MINAR1: variants seen among roughly 807,000 people sequenced by gnomAD.
The protein encoded by MINAR1 is major intrinsically disordered Notch2-binding receptor 1.
A neutral mutation model predicts 65.1 loss-of-function variants in MINAR1; 40 were observed. The ratio of observed to expected loss-of-function variants is 0.61; its 90% confidence interval spans 0.48 to 0.80. The LOEUF (loss-of-function observed/expected upper bound fraction) is 0.80. Ranked by LOEUF, MINAR1 falls within the 30% of genes least tolerant of loss-of-function variation. MINAR1 has a pLI of 0.00. For synonymous variants in MINAR1, 482 were observed against 449.1 expected (o/e 1.07, Z -0.93); for missense variants, 1,128 against 1,148.0 (o/e 0.98, Z 0.25).
chr15:79,466,541 T>A lies in MINAR1; in HGVS notation c.2554-1646T>A, dbSNP rs543017104. Among the ~76,000 whole-genome samples, 76 of 152,230 alleles carry A rather than the reference T, an allele frequency of 5.0e-4. No individual in the cohort carries two copies. The South Asian group carries it at 0.015, about 30-fold the overall frequency. The stretch of plus-strand genomic sequence containing the variant: ...TATTCTTTTGATTTTTTTTCAACCA[T>A]TTAAAAATGGAAAAAAATCACTAAA... On this transcript the variant is annotated intron_variant, in intron 3 of 3. Transcript: ENST00000305428.
intron 3 of MINAR1, among the ~76,000 whole-genome samples, chr15:79,467,554 C>T (rs546878588): frequency 2.6e-5 from 4 of 152,216 alleles, no homozygotes; most frequent in East Asian, 3.9e-4. Flanking sequence ...GAAGCTGCAC[C>T]GAGTCTGAAA....
intron 1 of MINAR1, among the ~76,000 whole-genome samples, chr15:79,435,897 A>G (rs1452797922): frequency 1.3e-5 from 2 of 152,234 alleles, no homozygotes; most frequent in African/African-American, 2.4e-5. Flanking sequence ...GTTCTTAAAG[A>G]TTCTGGCTGT....
At position 79,456,234 on chromosome 15, in the gene MINAR1, C is replaced by T. The variant is rs141098308; in HGVS notation, c.87C>T (p.Asp29=). The T allele has an allele frequency of 1.2e-6, 2 of 1,614,138 alleles. No homozygotes were observed. The highest frequency in any genetic ancestry group is 1.7e-5 in the Admixed American group (1 of 60,018). ...AGCAAAATACCGTTTCTTATCAGGA[C>T]CTGTGCAAATCTCTCTGTGCCCGGT... ...DSKQNTVSYQ[D]LCKSLCARFD... Residue 29 remains aspartate, a synonymous_variant, in exon 2 of 4, where the codon GAC becomes GAT. Transcript: ENST00000305428.
intron 1 of MINAR1, among the ~76,000 whole-genome samples, chr15:79,437,683 C>T (rs58896878): frequency 2.8e-5 from 1 of 36,300 alleles, no homozygotes; most frequent in Non-Finnish European, 5.0e-5. Context: ...GTGTGGGTGG[C>T]GTGGGTAGTG....
chr15:79,466,145 C>T (rs537861780), intron 3 of MINAR1, among the ~76,000 whole-genome samples: 4 of 152,204 alleles, frequency 2.6e-5, no homozygotes, highest in Admixed American at 2.6e-4. Flanking sequence ...TTTTGGGTGC[C>T]CTGAGTGTCC....
chr15:79,451,216 C>A (rs886457419), intron 1 of MINAR1, among the ~76,000 whole-genome samples: 1 of 152,174 alleles, frequency 6.6e-6, no homozygotes. Flanking sequence ...AAGACCTGGA[C>A]CCCTCCTAGG....
At chr15:79,463,598 T>G in intron 3 of MINAR1, 1 of 622,704 alleles carries the variant, frequency 1.6e-6, no homozygotes, top group Non-Finnish European at 3.0e-6. Flanking sequence ...ACAATGCATT[T>G]ACGACTCTGT....
intron 1 of MINAR1, among the ~76,000 whole-genome samples, chr15:79,435,498 T>G (rs993746142): frequency 2.6e-5 from 4 of 152,160 alleles, no homozygotes; most frequent in Admixed American, 2.6e-4. Flanking sequence ...TTATAAATAG[T>G]CATGTACCTG....
In MINAR1 at chr15:79,444,297, T is replaced by A. The variant is rs1446759966; in HGVS notation, c.-51+11757T>A. On this transcript the variant is annotated intron_variant, in intron 1 of 3. Coordinates refer to ENST00000305428, the MANE Select transcript of MINAR1 (RefSeq NM_015206.3). ...AGTTCTCCATAAATGTTACCTATGT[T>A]AATGTTGTTCCATTATTTATTCATG... Among the ~76,000 whole-genome samples the A allele has an allele frequency of 2.0e-5, 3 of 152,218 alleles. No individual in the cohort carries two copies. The East Asian group carries it at 5.8e-4, about 29-fold the overall frequency.
intron 1 of MINAR1, among the ~76,000 whole-genome samples, chr15:79,434,406 T>C (rs1894537462): frequency 6.6e-6 from 1 of 152,246 alleles, no homozygotes; most frequent in African/African-American, 2.4e-5. Flanking sequence ...GGTTGAAATA[T>C]CTCTCCTGCC....
In MINAR1 at chr15:79,456,552, GC is replaced by G; in HGVS notation, c.409del (p.Leu137Ter). The part of the protein sequence containing the change: ...TEICNAAECE[P>X]LNCELSERSF... ...AGATCTGCAATGCAGCTGAGTGTGA[GC>G]CCCTGAACTGTGAGCTGAGTGAGAG... is the stretch of plus-strand genomic sequence containing the variant. On this transcript the variant is annotated frameshift_variant, in exon 2 of 4. Transcript: ENST00000305428. LOFTEE classifies it high-confidence loss of function. 6.2e-7 allele frequency: 1 copy of G among 1,614,090 alleles called. No homozygotes were observed. The highest frequency in any genetic ancestry group is 8.5e-7 in the Non-Finnish European group (1 of 1,180,026).
intron 1 of MINAR1, among the ~76,000 whole-genome samples, chr15:79,441,284 C>G (rs973925093): frequency 5.3e-5 from 8 of 151,954 alleles, no homozygotes; most frequent in African/African-American, 1.9e-4. Context: ...TTAATATATA[C>G]AAAGAGTGAG....
chr15:79,415,100 A>T, the MINAR1 span: 11 of 152,270 alleles, frequency 7.2e-5, no homozygotes, highest in Admixed American at 5.2e-4. Flanking sequence ...TGGGAAACCC[A>T]GTGAGGTGTC....
the MINAR1 span, chr15:79,423,755 A>C: frequency 6.6e-6 from 1 of 152,342 alleles, no homozygotes; most frequent in Non-Finnish European, 1.5e-5. Flanking sequence ...AACCTTAGGG[A>C]AATAACTAAA....
chr15:79,446,410 G>C lies in MINAR1; in HGVS notation c.-50-9688G>C, dbSNP rs140345981. 3.1e-3 allele frequency among the ~76,000 whole-genome samples: 471 copies of C among 152,030 alleles called. 5 individuals are homozygous for C. Among genetic ancestry groups the C allele is most frequent in the African/African-American group, 0.011 (455 of 41,494 alleles). On this transcript the variant is annotated intron_variant, in intron 1 of 3. Coordinates refer to ENST00000305428, the MANE Select transcript of MINAR1 (RefSeq NM_015206.3). The stretch of plus-strand genomic sequence containing the variant: ...GCTTCTTTATAGTTTTTACAATAAG[G>C]AATATGAGTTATAAACTCTGAAACT...
rs1896083420 is a variant in MINAR1 at position 79,471,582 on chromosome 15, A to G, written c.*3198A>G. 1.3e-5 allele frequency: 2 copies of G among 152,632 alleles called. No individual in the cohort carries two copies. Among genetic ancestry groups the G allele is most frequent in the African/African-American group, 4.8e-5 (2 of 41,460 alleles). 9.5% of individuals were successfully genotyped at this position (152,632 alleles called of 1,614,324 possible). A position where few individuals can be genotyped will look rare whatever the true frequency, so the allele number is the denominator to read the frequency against. ...TGATTGACATCTGTAAGGCTAGTTT[A>G]ATAGACGTGCTAAATATCACTGTTC... On this transcript the variant is annotated 3_prime_UTR_variant, in exon 4 of 4. Transcript: ENST00000305428.
rs938811765 is a variant in MINAR1, at chr15:79,469,048, T to G, written c.*664T>G. 3 of 154,738 alleles carry G rather than the reference T, an allele frequency of 1.9e-5. No homozygotes were observed. The highest frequency in any genetic ancestry group is 4.3e-5 in the Non-Finnish European group (3 of 69,488). 9.6% of individuals were successfully genotyped at this position (154,738 alleles called of 1,614,324 possible). ...CTGGACTACCAAGTCAGGCGTGGAATGAAGTATGCTCAGACTGCATGATGG... is the reference window on the plus strand; with the variant it reads ...CTGGACTACCAAGTCAGGCGTGGAAGGAAGTATGCTCAGACTGCATGATGG... On this transcript the variant is annotated 3_prime_UTR_variant, in exon 4 of 4. Transcript: ENST00000305428.
chr15:79,461,820 C>T (rs540405999), intron 2 of MINAR1, among the ~76,000 whole-genome samples: 4 of 151,988 alleles, frequency 2.6e-5, no homozygotes, highest in African/African-American at 4.8e-5. Flanking sequence ...ATCTGATCCA[C>T]GTACACACAT....
At chr15:79,435,131 C>G (rs11858263) in intron 1 of MINAR1, among the ~76,000 whole-genome samples, 80,590 of 151,912 alleles carry the variant, frequency 0.53, 22,289 homozygotes, top group Admixed American at 0.63. Flanking sequence ...AAAAAATTAG[C>G]CAGGCATGGC....
Sources: gnomAD v4.1 joint callset for allele counts (sites outside exome capture counted in the v4.1 genomes callset) on GRCh38, gnomAD v4.1.1 for gene constraint, MANE v1.5 for transcripts, NCBI Gene and HGNC (gene_info 2026-07-23, HGNC 2026-07-21) for gene names.